SLC4A1AP: variants seen among roughly 807,000 people sequenced by gnomAD.
SLC4A1AP encodes kanadaptin.
Under a neutral mutation model 89.7 loss-of-function variants are expected in SLC4A1AP, and 64 were observed. That is an observed-to-expected ratio of 0.71 (90% confidence interval 0.58 to 0.88). SLC4A1AP has a LOEUF of 0.88. Ranked by LOEUF, SLC4A1AP falls within the 40% of genes least tolerant of loss-of-function variation. SLC4A1AP has a pLI of 0.00. For missense variants in SLC4A1AP, 931 were observed against 965.0 expected (o/e 0.96, Z 0.47); for synonymous variants, 366 against 353.3 (o/e 1.04, Z -0.40).
At chr2:27,674,592 A>G (rs1675483631) in intron 5 of SLC4A1AP, among the ~76,000 whole-genome samples, 1 of 151,992 alleles carries the variant, frequency 6.6e-6, no homozygotes, top group South Asian at 2.1e-4. Flanking sequence ...TTTTTTTTAA[A>G]GTAACATATT....
In SLC4A1AP at chr2:27,685,142, A is replaced by G. The variant is rs762507242; in HGVS notation, c.1981A>G (p.Lys661Glu). ...AGAGGAAGAGGAAGAAGAGAAAGAA[A>G]AGGAGGAGCATGAAAAGAAAAAACT... Residue 661 changes from lysine to glutamate, a missense_variant, in exon 10 of 14, where the codon AAG (lysine) becomes GAG (glutamate). Lys to Glu is a moderately conservative substitution (Grantham distance 56). Coordinates refer to ENST00000613058, the Ensembl canonical transcript of SLC4A1AP. 7 of 1,614,106 alleles carry G rather than the reference A, an allele frequency of 4.3e-6. No homozygotes were observed. In the East Asian group the frequency reaches 1.3e-4, roughly 31 times the overall value.
chr2:27,688,476 A>G (rs144945297), intron 11 of SLC4A1AP, among the ~76,000 whole-genome samples: 37 of 152,332 alleles, frequency 2.4e-4, no homozygotes, highest in African/African-American at 8.7e-4. Flanking sequence ...ATGTGGTTAT[A>G]TTCAAACTTG....
intron 4 of SLC4A1AP, 140 bp from the exon 5 acceptor site, chr2:27,669,108 A>G (rs1193364500): frequency 9.2e-7 from 1 of 1,082,342 alleles, no homozygotes; most frequent in Non-Finnish European, 1.3e-6. Context: ...TTTAAATCCA[A>G]CATTGGAAAG....
chr2:27,669,455 ACTT>A, intron 5 of SLC4A1AP, 68 bp downstream of exon 5: 2 of 1,375,432 alleles, frequency 1.5e-6, no homozygotes. Flanking sequence ...CGCTAATAAA[ACTT>A]CTTTATGGGG....
exon 1 of SLC4A1AP, chr2:27,664,166 C>T: frequency 6.2e-7 from 1 of 1,614,150 alleles, no homozygotes; most frequent in Non-Finnish European, 8.5e-7. Flanking sequence ...AGTCGCGCCC[C>T]CCGACAGCGG....
Position 27,682,336 on chromosome 2 carries a change from A to G in SLC4A1AP, c.1852A>G (p.Lys618Glu), listed in dbSNP as rs770940865. The change falls in exon 9 of 14, where the codon AAA becomes GAA. Residue 618 changes from lysine (K) to glutamate (E), a missense_variant. Lys to Glu is a moderately conservative substitution (Grantham distance 56). Transcript: ENST00000613058. ...TGCCATGAAAGGAGGAAGCAAATTCAAATTAAAAACTGGAACAGTAGGGGT... is the reference window on the plus strand; with the variant it reads ...TGCCATGAAAGGAGGAAGCAAATTCGAATTAAAAACTGGAACAGTAGGGGT... 21 of 1,613,124 alleles carry G rather than the reference A, an allele frequency of 1.3e-5. No homozygotes were observed. In the Admixed American group the frequency reaches 2.0e-4, roughly 15 times the overall value.
chr2:27,676,319 A>G (rs1228764240), intron 6 of SLC4A1AP, among the ~76,000 whole-genome samples: 1 of 152,232 alleles, frequency 6.6e-6, no homozygotes, highest in Non-Finnish European at 1.5e-5. Context: ...TGATTCAGCA[A>G]TTGCACTTCA....
chr2:27,684,722 A>G (rs1394180899), intron 9 of SLC4A1AP, among the ~76,000 whole-genome samples: 3 of 152,216 alleles, frequency 2.0e-5, no homozygotes, highest in Admixed American at 1.3e-4. Flanking sequence ...AAATCCTTTA[A>G]TATCATGAGT....
exon 10 of SLC4A1AP, chr2:27,685,196 C>T (rs1322637136): frequency 6.2e-7 from 1 of 1,614,008 alleles, no homozygotes; most frequent in Non-Finnish European, 8.5e-7. Flanking sequence ...TAGGCCACAG[C>T]CAGAGATAGA....
intron 8 of SLC4A1AP, among the ~76,000 whole-genome samples, chr2:27,678,688 A>G (rs72808054): frequency 0.023 from 3,516 of 152,048 alleles, 60 homozygotes; most frequent in Non-Finnish European, 0.037. Context: ...CTTCATGATC[A>G]TAAGAGAAAT....
At chr2:27,688,727 G>A in exon 12 of SLC4A1AP, 2 of 1,604,538 alleles carry the variant, frequency 1.2e-6, no homozygotes, top group Non-Finnish European at 1.7e-6. Flanking sequence ...GAGAAAAGCA[G>A]AGGTGAATTG....
At chr2:27,664,106 C>T (rs770228098) in exon 1 of SLC4A1AP, 15 of 1,614,052 alleles carry the variant, frequency 9.3e-6, no homozygotes, top group Non-Finnish European at 1.3e-5. Flanking sequence ...AGCCCGACAT[C>T]CCTCCTCCTC....
chr2:27,675,804 C>A, intron 6 of SLC4A1AP, 112 bp downstream of exon 6: 1 of 664,440 alleles, frequency 1.5e-6, no homozygotes, highest in Non-Finnish European at 2.2e-6. Flanking sequence ...GCATTGAAAT[C>A]TGATACTGAA....
intron 1 of SLC4A1AP, 46 bp downstream of exon 1, chr2:27,664,623 C>T (rs761516870): frequency 1.4e-6 from 2 of 1,386,390 alleles, no homozygotes; most frequent in South Asian, 2.6e-5. Context: ...CATTGGACTG[C>T]GTTCTTGTGC....
At chr2:27,670,922 C>CTTTTTTTT (rs34481114) in intron 5 of SLC4A1AP, among the ~76,000 whole-genome samples, 5 of 111,850 alleles carry the variant, frequency 4.5e-5, no homozygotes, top group African/African-American at 1.0e-4. Flanking sequence ...CTTTTCTTTT[C>CTTTTTTTT]TTTTTTTTTT....
At chr2:27,688,713 A>G (rs779596921) in exon 12 of SLC4A1AP, 1 of 1,601,292 alleles carries the variant, frequency 6.2e-7, no homozygotes. Flanking sequence ...CAAAGAATGA[A>G]TATGAGAAAA....
chr2:27,664,406 C>A (rs775194704), exon 1 of SLC4A1AP: 4 of 1,614,228 alleles, frequency 2.5e-6, no homozygotes, highest in Middle Eastern at 1.6e-4. Flanking sequence ...ACAGGGCGTC[C>A]GGCCCTGACG....
exon 1 of SLC4A1AP, chr2:27,664,466 C>T: frequency 2.5e-6 from 4 of 1,614,230 alleles, no homozygotes; most frequent in Middle Eastern, 1.6e-4. Context: ...ATCTGGGAAG[C>T]ACCCATGGCA....
chr2:27,693,367 T>C, intron 12 of SLC4A1AP: 1 of 271,892 alleles, frequency 3.7e-6, no homozygotes, highest in Admixed American at 5.1e-5. Flanking sequence ...ACATTATTGT[T>C]TTATAGGCCC....
Sources: allele counts gnomAD v4.1 joint callset (sites outside exome capture counted in the v4.1 genomes callset), GRCh38; gene constraint gnomAD v4.1.1; transcripts MANE v1.5; gene names NCBI Gene and HGNC (gene_info 2026-07-23, HGNC 2026-07-21).